Variants in SUSD4 observed in about 807,000 individuals in gnomAD.
SUSD4 encodes sushi domain containing 4, also known as sushi domain-containing protein 4.
SUSD4 carries 41 observed loss-of-function variants against 50.5 expected under a neutral mutation model. That is an observed-to-expected ratio of 0.81 (90% CI 0.63 to 1.05). SUSD4 has a LOEUF of 1.05. SUSD4 is among the 50% of genes least tolerant of loss of function. SUSD4 has a pLI of 0.00. For synonymous variants in SUSD4, 257 were observed against 257.3 expected (o/e 1.00, Z 0.01); for missense variants, 580 against 634.7 (o/e 0.91, Z 0.93).
intron 2 of SUSD4, among the ~76,000 whole-genome samples, chr1:223,350,003 C>T (rs746358035): frequency 6.6e-6 from 1 of 152,146 alleles, no homozygotes; most frequent in Admixed American, 6.5e-5. Flanking sequence ...AGCTCTCTCC[C>T]GTCCCCACCC....
At chr1:223,313,402 A>T (rs1665995118) in intron 2 of SUSD4, among the ~76,000 whole-genome samples, 1 of 152,140 alleles carries the variant, frequency 6.6e-6, no homozygotes, top group South Asian at 2.1e-4. Flanking sequence ...GACATGAAAG[A>T]TTTGCATTTG....
upstream of SUSD4, among the ~76,000 whole-genome samples, chr1:223,364,450 C>G (rs1018876726): frequency 6.8e-6 from 1 of 147,816 alleles, no homozygotes; most frequent in Non-Finnish European, 1.5e-5. The surrounding 1 kb of genome is among the most constrained non-coding windows in gnomAD (Gnocchi z 4.5). Flanking sequence ...GCGGCGTGGC[C>G]GGAGACTGGC....
intron 2 of SUSD4, among the ~76,000 whole-genome samples, chr1:223,337,308 T>C (rs145036416): frequency 1.0e-3 from 158 of 152,308 alleles, no homozygotes; most frequent in African/African-American, 3.2e-3. Context: ...GTCAGTTGAA[T>C]GTATGAAGGA....
chr1:223,237,641 A>G (rs1024958506), intron 5 of SUSD4, among the ~76,000 whole-genome samples: 1 of 151,902 alleles, frequency 6.6e-6, no homozygotes, highest in Non-Finnish European at 1.5e-5. Context: ...GTTGTGATGA[A>G]TTGCATTAAT....
At chr1:223,297,051 G>A (rs1241682721) in intron 2 of SUSD4, among the ~76,000 whole-genome samples, 1 of 152,212 alleles carries the variant, frequency 6.6e-6, no homozygotes, top group South Asian at 2.1e-4. Flanking sequence ...AAGGAAAACA[G>A]TTTCAGGAAG....
intron 2 of SUSD4, among the ~76,000 whole-genome samples, chr1:223,341,474 C>G (rs1294722340): frequency 6.6e-6 from 1 of 151,768 alleles, no homozygotes; most frequent in Non-Finnish European, 1.5e-5. Flanking sequence ...CTCTGTCCTC[C>G]CCAGATCCAC....
At chr1:223,277,904 C>G (rs1318760008) in intron 3 of SUSD4, among the ~76,000 whole-genome samples, 1 of 152,164 alleles carries the variant, frequency 6.6e-6, no homozygotes, top group Non-Finnish European at 1.5e-5. Context: ...AATATCAGAC[C>G]ATATCCCTAA....
intron 3 of SUSD4, among the ~76,000 whole-genome samples, chr1:223,285,572 A>C (rs1235122898): frequency 1.3e-5 from 2 of 152,178 alleles, no homozygotes; most frequent in Admixed American, 6.5e-5. Flanking sequence ...CTTGTGTGTA[A>C]ATGATTAACA....
At chr1:223,351,144 C>A (rs1558275034) in intron 2 of SUSD4, among the ~76,000 whole-genome samples, 2 of 152,228 alleles carry the variant, frequency 1.3e-5, no homozygotes, top group Non-Finnish European at 2.9e-5. Context: ...AATTAAGGGG[C>A]TTGCCCCACA....
intron 2 of SUSD4, among the ~76,000 whole-genome samples, chr1:223,321,105 G>C (rs1203037023): frequency 6.6e-6 from 1 of 152,132 alleles, no homozygotes. Context: ...CTTCTCATCT[G>C]ATCAGGCCAT....
At chr1:223,333,435 A>G (rs944117682) in intron 2 of SUSD4, among the ~76,000 whole-genome samples, 1 of 152,144 alleles carries the variant, frequency 6.6e-6, no homozygotes, top group African/African-American at 2.4e-5. Flanking sequence ...TCTGAAACAA[A>G]TTAAAATTAG....
chr1:223,321,415 G>A (rs1666565473), intron 2 of SUSD4, among the ~76,000 whole-genome samples: 5 of 152,176 alleles, frequency 3.3e-5, no homozygotes, highest in Admixed American at 3.3e-4. Context: ...GGGCTGTTAC[G>A]AGGTTTAAAG....
intron 3 of SUSD4, among the ~76,000 whole-genome samples, chr1:223,276,665 G>A (rs866673932): frequency 2.6e-5 from 4 of 152,210 alleles, no homozygotes; most frequent in South Asian, 2.1e-4. Context: ...AGCCACAAGG[G>A]AGCAAGTACA....
intron 7 of SUSD4, among the ~76,000 whole-genome samples, chr1:223,225,300 T>C (rs1285062990): frequency 6.6e-6 from 1 of 152,134 alleles, no homozygotes. Context: ...GCAGGGGCTC[T>C]AAACCCAAGA....
At chr1:223,292,800 C>T (rs1474864975) in intron 2 of SUSD4, 149 bp from the exon 3 acceptor site, 4 of 794,328 alleles carry the variant, frequency 5.0e-6, no homozygotes, top group Non-Finnish European at 4.0e-6. Context: ...TTTTAGTGCA[C>T]ATTCTACTCT....
At chr1:223,320,737 G>A (rs927187471) in intron 2 of SUSD4, among the ~76,000 whole-genome samples, 1 of 152,164 alleles carries the variant, frequency 6.6e-6, no homozygotes, top group South Asian at 2.1e-4. Flanking sequence ...TGTTACAAAA[G>A]TATGTTTTCT....
rs549287483 is a variant in SUSD4 at position 223,243,282 on chromosome 1, C to T, written c.725-13894G>A. ...TTTAAGGAAGCAGGGCTGGGCTGCC[C>T]GCCTTGCCCTGGATGACCCTGGCTG... On this transcript the variant is annotated intron_variant, in intron 5 of 8. Coordinates refer to ENST00000366878, the MANE Select transcript of SUSD4 (RefSeq NM_017982.4). Among the ~76,000 whole-genome samples the T allele has an allele frequency of 1.2e-3, 186 of 152,314 alleles. 1 individual carries two copies. The highest frequency in any genetic ancestry group is 4.2e-3 in the African/African-American group (173 of 41,584).
chr1:223,316,526 G>T (rs1666200251), intron 2 of SUSD4, among the ~76,000 whole-genome samples: 1 of 152,130 alleles, frequency 6.6e-6, no homozygotes, highest in South Asian at 2.1e-4. Flanking sequence ...CCTCACCCCT[G>T]ACAACTGCCC....
intron 6 of SUSD4, among the ~76,000 whole-genome samples, chr1:223,228,875 C>G (rs1374332817): frequency 6.6e-6 from 1 of 151,468 alleles, no homozygotes; most frequent in African/African-American, 2.4e-5. Flanking sequence ...GTCTAGGGAC[C>G]CTGTTTAGAT....
Sources: gnomAD v4.1 joint callset for allele counts (sites outside exome capture counted in the v4.1 genomes callset) on GRCh38, gnomAD v4.1.1 for gene constraint, Gnocchi (gnomAD v3.1) non-coding constraint, MANE v1.5 for transcripts, NCBI Gene and HGNC (gene_info 2026-07-23, HGNC 2026-07-21) for gene names.